The following XRRA1 variants were observed in gnomAD, a reference collection of about 807,000 sequenced individuals.
XRRA1 encodes the protein X-ray radiation resistance associated 1.
Under a neutral mutation model 80.2 loss-of-function variants are expected in XRRA1, and 69 were observed. The observed-to-expected ratio is 0.86, with a 90% CI of 0.71 to 1.05. The LOEUF (loss-of-function observed/expected upper bound fraction) is 1.05. XRRA1 is among the 50% of genes least tolerant of loss of function. The pLI is 0.00. For synonymous variants in XRRA1, 348 were observed against 389.9 expected (o/e 0.89, Z 1.27); for missense variants, 967 against 976.4 (o/e 0.99, Z 0.13).
chr11:74,898,091 AAAC>A (rs2052780098), intron 10 of XRRA1, among the ~76,000 whole-genome samples: 1 of 152,234 alleles, frequency 6.6e-6, no homozygotes, highest in African/African-American at 2.4e-5. Flanking sequence ...ACATAAATAG[AAAC>A]AACAAAAAGT....
At position 74,848,219 on chromosome 11, in the gene XRRA1, T is replaced by C. The variant is rs2038810482; in HGVS notation, c.1624A>G (p.Ser542Gly). ...PPICSNSTVH[S>G]EETLSHLSDT... ...CTCAGGTGGGACAGGGTCTCTTCAC[T>C]ATGCACAGTGGAGTTGGAGCAGATG... Residue 542 changes from serine to glycine, a missense_variant, in exon 15 of 19, where the codon AGT becomes GGT. Coordinates refer to ENST00000684022, the MANE Select transcript of XRRA1 (RefSeq NM_001378157.1). The C allele has an allele frequency of 1.2e-6, 2 of 1,613,722 alleles. No individual in the cohort carries two copies. Among genetic ancestry groups the C allele is most frequent in the Non-Finnish European group, 1.7e-6 (2 of 1,179,854 alleles).
rs756696597 is a variant in XRRA1, at chr11:74,851,099, C to G, written c.1369G>C (p.Glu457Gln). The change falls in exon 14 of 19, where the codon GAA becomes CAA. Residue 457 changes from glutamate (E) to glutamine (Q), a missense_variant. Glu to Gln is a conservative substitution (Grantham distance 29). Coordinates refer to ENST00000684022, the MANE Select transcript of XRRA1 (RefSeq NM_001378157.1). ...CTTGGAAGCCCTACCTTCCATGATT[C>G]CTTCCGAGACATCAAAACATGATGC... ...PKHHVLMSRK[E>Q]SWKVKSEIPK... is the part of the protein sequence containing the mutation. The G allele has an allele frequency of 1.9e-6, 3 of 1,610,158 alleles. No individual in the cohort carries two copies. Among genetic ancestry groups the G allele is most frequent in the Non-Finnish European group, 1.7e-6 (2 of 1,177,856 alleles).
At position 74,906,321 on chromosome 11, in the gene XRRA1, C is replaced by A. The variant is rs1274836709; in HGVS notation, c.921G>T (p.Gln307His). Residue 307 changes from glutamine (Q) to histidine (H), a missense_variant, in exon 10 of 19, where the codon CAG (glutamine) becomes CAT (histidine). Physicochemically the swap from Gln to His is conservative, Grantham distance 24. Transcript: ENST00000684022. ...SPHKEPQFML[Q>H]SKPRMLEDSD... ...AGTCCTCAAGCATCCTTGGCTTGGACTGCAGCATGAATTGGGGCTCTTTAT... is the reference window on the plus strand; with the variant it reads ...AGTCCTCAAGCATCCTTGGCTTGGAATGCAGCATGAATTGGGGCTCTTTAT... 4 of 1,614,000 alleles carry A rather than the reference C, an allele frequency of 2.5e-6. No individual in the cohort carries two copies. The South Asian group carries it at 4.4e-5, about 18-fold the overall frequency.
intron 8 of XRRA1, chr11:74,913,453 T>A (rs919555303): frequency 7.2e-5 from 11 of 152,218 alleles, no homozygotes; most frequent in Admixed American, 3.3e-4. Flanking sequence ...AATCAAGAGG[T>A]GACTCCCACT....
intron 10 of XRRA1, among the ~76,000 whole-genome samples, chr11:74,887,340 C>A (rs764750269): frequency 6.6e-6 from 1 of 152,130 alleles, no homozygotes; most frequent in Non-Finnish European, 1.5e-5. Context: ...GGTCTACTAT[C>A]CAGAATCTAT....
intron 12 of XRRA1, 102 bp from the exon 13 acceptor site, chr11:74,852,184 G>T: frequency 1.0e-6 from 1 of 983,202 alleles, no homozygotes; most frequent in Non-Finnish European, 1.6e-6. Flanking sequence ...TGCTAGGATT[G>T]GGGGTGGTAT....
rs759144221 is a variant in XRRA1 at position 74,927,420 on chromosome 11, C to T, written c.493G>A (p.Val165Met). ...LAFNGIKTIY[V>M]KYGDFKLLEF... is the part of the protein sequence containing the mutation. Reference sequence around the variant, plus strand: ...AATAACTTAAAGTCTCCATATTTCACGTAGATAGTTTTGATGCCATTAAAT... The same window carrying T: ...AATAACTTAAAGTCTCCATATTTCATGTAGATAGTTTTGATGCCATTAAAT... The change falls in exon 7 of 19, where the codon GTG becomes ATG. Residue 165 changes from valine to methionine, a missense_variant. By Grantham distance (21) the Val-to-Met change is conservative. Coordinates refer to ENST00000684022, the MANE Select transcript of XRRA1 (RefSeq NM_001378157.1). 16 of 1,612,948 alleles carry T rather than the reference C, an allele frequency of 9.9e-6. No homozygotes were observed. Among genetic ancestry groups the T allele is most frequent in the Middle Eastern group, 1.6e-4 (1 of 6,084 alleles).
At chr11:74,939,871 A>AAGAGAG (rs376199147) in intron 3 of XRRA1, among the ~76,000 whole-genome samples, 3 of 150,230 alleles carry the variant, frequency 2.0e-5, no homozygotes, top group Non-Finnish European at 1.5e-5. Flanking sequence ...GAGCGAGAGC[A>AAGAGAG]AGAGAGAGAG....
At chr11:74,892,005 A>G (rs1318203985) in intron 10 of XRRA1, among the ~76,000 whole-genome samples, 1 of 152,232 alleles carries the variant, frequency 6.6e-6, no homozygotes, top group African/African-American at 2.4e-5. Flanking sequence ...ATTCAATGCC[A>G]TCTGCATCAA....
At chr11:74,946,323 C>T (rs570625178) in intron 1 of XRRA1, among the ~76,000 whole-genome samples, 1 of 152,264 alleles carries the variant, frequency 6.6e-6, no homozygotes, top group African/African-American at 2.4e-5. Context: ...ATTGTAATCC[C>T]CATAATCCCC....
chr11:74,863,328 A>C, intron 10 of XRRA1: 1 of 395,116 alleles, frequency 2.5e-6, no homozygotes, highest in Non-Finnish European at 4.6e-6. Flanking sequence ...ACTGTATTTC[A>C]GCCACACTGA....
chr11:74,933,661 T>G, intron 5 of XRRA1, 140 bp downstream of exon 5: 1 of 675,036 alleles, frequency 1.5e-6, no homozygotes, highest in Non-Finnish European at 2.5e-6. Flanking sequence ...AATCCTTGTC[T>G]GACTCTCCTC....
At chr11:74,913,566 C>T (rs1314257926) in intron 8 of XRRA1, 1 of 152,218 alleles carries the variant, frequency 6.6e-6, no homozygotes, top group Non-Finnish European at 1.5e-5. Context: ...TTCTTTCTCT[C>T]TCTTTATCAA....
At chr11:74,924,634 G>T (rs1403007501) in intron 7 of XRRA1, among the ~76,000 whole-genome samples, 1 of 152,092 alleles carries the variant, frequency 6.6e-6, no homozygotes, top group Non-Finnish European at 1.5e-5. Context: ...AGGAGTTCGA[G>T]ACTAGCCTGG....
intron 3 of XRRA1, 80 bp from the exon 4 acceptor site, chr11:74,937,148 C>T (rs1326542161): frequency 7.7e-6 from 11 of 1,422,752 alleles, no homozygotes; most frequent in Admixed American, 2.6e-5. Context: ...GTTTATAATA[C>T]TAAAACCAAA....
At chr11:74,907,751 G>A (rs2054955447) in intron 8 of XRRA1, among the ~76,000 whole-genome samples, 1 of 152,112 alleles carries the variant, frequency 6.6e-6, no homozygotes, top group Admixed American at 6.5e-5. Context: ...AAGTAGGGTG[G>A]GTTGAGGGCA....
At chr11:74,939,670 A>C (rs1009737002) in intron 3 of XRRA1, among the ~76,000 whole-genome samples, 5 of 152,222 alleles carry the variant, frequency 3.3e-5, no homozygotes, top group Non-Finnish European at 7.3e-5. Context: ...TCACTGGAGA[A>C]TGGTATTTAG....
intron 8 of XRRA1, among the ~76,000 whole-genome samples, chr11:74,915,906 T>C (rs555628571): frequency 3.6e-4 from 55 of 152,358 alleles, no homozygotes; most frequent in African/African-American, 1.2e-3. Flanking sequence ...ATTTCTTCCA[T>C]ACTTTGGAAG....
chr11:74,905,288 T>C (rs1233129614), intron 10 of XRRA1, among the ~76,000 whole-genome samples: 1 of 152,196 alleles, frequency 6.6e-6, no homozygotes, highest in Non-Finnish European at 1.5e-5. Flanking sequence ...ACTGCATGCC[T>C]GAAACTCCTG....
Sources: allele counts gnomAD v4.1 joint callset (sites outside exome capture counted in the v4.1 genomes callset), GRCh38; gene constraint gnomAD v4.1.1; transcripts MANE v1.5; gene names NCBI Gene and HGNC (gene_info 2026-07-23, HGNC 2026-07-21).